Variants in GPR39 observed in about 807,000 individuals in gnomAD.
The protein encoded by GPR39 is G protein-coupled receptor 39, also known as zinc sensing receptor.
In GPR39, 23 loss-of-function variants were observed where a neutral mutation model predicts 18.4. The observed-to-expected ratio is 1.25, with a 90% CI of 0.90 to 1.77. GPR39 has a LOEUF of 1.77. GPR39 is among the 40% of genes most tolerant of loss of function. GPR39 has a pLI of 0.00. For missense variants in GPR39, 647 were observed against 602.4 expected, an observed-to-expected ratio of 1.07 and a Z score of -0.78; for synonymous variants, 280 against 257.9, an observed-to-expected ratio of 1.09 and a Z score of -0.82.
intron 1 of GPR39, among the ~76,000 whole-genome samples, chr2:132,603,700 A>G (rs113626401): frequency 1.8e-4 from 28 of 152,284 alleles, no homozygotes; most frequent in Middle Eastern, 3.4e-3. Context: ...AAGGGTGTAC[A>G]TTTGTGGGCG....
chr2:132,489,782 A>T (rs911861707), intron 1 of GPR39, among the ~76,000 whole-genome samples: 3 of 151,972 alleles, frequency 2.0e-5, no homozygotes, highest in African/African-American at 7.3e-5. Context: ...CTGTATTTTT[A>T]ATTTTTAGTA....
At chr2:132,579,183 A>G (rs1361431881) in intron 1 of GPR39, among the ~76,000 whole-genome samples, 4 of 151,516 alleles carry the variant, frequency 2.6e-5, no homozygotes, top group African/African-American at 9.7e-5. Context: ...ATGCAGTACA[A>G]TCAGTGTATT....
rs191021064 is a variant in GPR39, at chr2:132,452,602, T to C, written c.856+34704T>C. Among the ~76,000 whole-genome samples, 587 of 152,198 alleles carry C rather than the reference T, an allele frequency of 3.9e-3. 9 individuals carry two copies. The highest frequency in any genetic ancestry group is 0.013 in the African/African-American group (556 of 41,514). ...ATCAACTCATCATTTACATTAGGTGTTTCTCCTAATGCTATCCCTCCCCCA... is the reference window on the plus strand; with the variant it reads ...ATCAACTCATCATTTACATTAGGTGCTTCTCCTAATGCTATCCCTCCCCCA... On this transcript the variant is annotated intron_variant, in intron 1 of 1. Coordinates refer to ENST00000329321, the MANE Select transcript of GPR39 (RefSeq NM_001508.3).
intron 1 of GPR39, among the ~76,000 whole-genome samples, chr2:132,525,884 C>T (rs1236869874): frequency 6.6e-6 from 1 of 152,176 alleles, no homozygotes; most frequent in East Asian, 1.9e-4. Context: ...GGTGGGGGAG[C>T]ATTCCCTGAG....
At chr2:132,615,513 C>T (rs967834702) in intron 1 of GPR39, among the ~76,000 whole-genome samples, 1 of 152,104 alleles carries the variant, frequency 6.6e-6, no homozygotes, top group African/African-American at 2.4e-5. Context: ...GGAGAGCAGG[C>T]CTGGGTTGTG....
chr2:132,514,243 C>T (rs1057393784), intron 1 of GPR39, among the ~76,000 whole-genome samples: 1 of 152,152 alleles, frequency 6.6e-6, no homozygotes, highest in Non-Finnish European at 1.5e-5. Context: ...ATCTTGACAT[C>T]TCCACCGATA....
chr2:132,530,512 A>G (rs1679596059), intron 1 of GPR39, among the ~76,000 whole-genome samples: 1 of 152,048 alleles, frequency 6.6e-6, no homozygotes, highest in Non-Finnish European at 1.5e-5. Flanking sequence ...GAATGCCACA[A>G]AGATACTCCT....
rs2104886944 is a variant in GPR39, at chr2:132,645,437, G to A, written c.1193G>A (p.Arg398His). The A allele has an allele frequency of 6.2e-7, 1 of 1,613,542 alleles. No individual in the cohort carries two copies. The highest frequency in any genetic ancestry group is 1.1e-5 in the South Asian group (1 of 91,078). The change falls in exon 2 of 2, where the codon CGC becomes CAC. Residue 398 changes from arginine (R) to histidine (H), a missense_variant. By Grantham distance (29) the Arg-to-His change is conservative (BLOSUM62 0). This residue lies in a region of GPR39 where 581 missense variants were observed against 506.8 expected (regional missense o/e 1.15). Coordinates refer to ENST00000329321, the MANE Select transcript of GPR39 (RefSeq NM_001508.3). Reference sequence around the variant, plus strand: ...CGCCCGTTGCTCTTCGCGTCCCGGCGCCAGTCCTCTGCAAGGAGAACTGAG... The same window carrying A: ...CGCCCGTTGCTCTTCGCGTCCCGGCACCAGTCCTCTGCAAGGAGAACTGAG... ...VQRPLLFASR[R>H]QSSARRTEKI...
intron 1 of GPR39, among the ~76,000 whole-genome samples, chr2:132,532,475 A>C (rs1305573246): frequency 6.6e-6 from 1 of 152,132 alleles, no homozygotes; most frequent in Non-Finnish European, 1.5e-5. Flanking sequence ...AAAAGAGGGA[A>C]TCCTCCCTAA....
chr2:132,632,412 G>A (rs1052266284), intron 1 of GPR39, among the ~76,000 whole-genome samples: 18 of 152,166 alleles, frequency 1.2e-4, no homozygotes, highest in African/African-American at 4.1e-4. Flanking sequence ...TCTTCACCAT[G>A]ACACCCACAG....
intron 1 of GPR39, among the ~76,000 whole-genome samples, chr2:132,589,008 C>CTG (rs10649529): frequency 0.34 from 51,324 of 151,988 alleles, 9,456 homozygotes; most frequent in East Asian, 0.76. Context: ...AACTTAGACT[C>CTG]TGCAAATGCC....
chr2:132,457,322 A>G (rs553130639), intron 1 of GPR39, among the ~76,000 whole-genome samples: 1 of 152,278 alleles, frequency 6.6e-6, no homozygotes, highest in Non-Finnish European at 1.5e-5. Context: ...TATGATTTTC[A>G]GCTCCATCAG....
At chr2:132,534,668 G>A (rs1021115798) in intron 1 of GPR39, among the ~76,000 whole-genome samples, 53 of 152,042 alleles carry the variant, frequency 3.5e-4, no homozygotes, top group African/African-American at 1.2e-3. Context: ...CATAAAAAAT[G>A]ATGAGTTCAT....
At chr2:132,560,298 T>C (rs1680228341) in intron 1 of GPR39, among the ~76,000 whole-genome samples, 1 of 152,136 alleles carries the variant, frequency 6.6e-6, no homozygotes, top group African/African-American at 2.4e-5. Context: ...CCTTTTGCCT[T>C]TCCCACCTCT....
intron 1 of GPR39, among the ~76,000 whole-genome samples, chr2:132,588,644 A>T (rs1680772871): frequency 6.6e-6 from 1 of 152,110 alleles, no homozygotes; most frequent in Admixed American, 6.5e-5. Context: ...GGGAAGTCAG[A>T]ATTGAAAGTC....
At chr2:132,556,906 G>A (rs1018699745) in intron 1 of GPR39, among the ~76,000 whole-genome samples, 2 of 152,162 alleles carry the variant, frequency 1.3e-5, no homozygotes, top group African/African-American at 4.8e-5. Context: ...CATTCTTTGA[G>A]CTGCCAAGAT....
chr2:132,506,919 T>A (rs1489412309), intron 1 of GPR39, among the ~76,000 whole-genome samples: 1 of 152,144 alleles, frequency 6.6e-6, no homozygotes, highest in African/African-American at 2.4e-5. Context: ...GCTTATTCTA[T>A]AACCCAAAGA....
At chr2:132,529,237 C>T (rs1331335048) in intron 1 of GPR39, among the ~76,000 whole-genome samples, 1 of 152,224 alleles carries the variant, frequency 6.6e-6, no homozygotes, top group Non-Finnish European at 1.5e-5. Flanking sequence ...GTCCTATGCA[C>T]ATGTAGCCTC....
chr2:132,488,022 AGT>A (rs2104793324), intron 1 of GPR39, among the ~76,000 whole-genome samples: 1 of 152,330 alleles, frequency 6.6e-6, no homozygotes, highest in South Asian at 2.1e-4. Flanking sequence ...AAAGAAAAAC[AGT>A]GTATATAGCT....
Sources: allele counts gnomAD v4.1 joint callset (sites outside exome capture counted in the v4.1 genomes callset), GRCh38; gene constraint gnomAD v4.1.1; regional missense constraint gnomAD v4.1.1; transcripts MANE v1.5; gene names NCBI Gene and HGNC (gene_info 2026-07-23, HGNC 2026-07-21).